The following TCF4 variants were observed in gnomAD, a reference collection of about 807,000 sequenced individuals.
TCF4 encodes the protein transcription factor 4.
A neutral mutation model predicts 82.1 loss-of-function variants in TCF4; 3 were observed. The observed-to-expected ratio is 0.04, with a 90% CI of 0.02 to 0.09. The LOEUF (loss-of-function observed/expected upper bound fraction) is 0.09, where lower values mean the gene tolerates loss of function less well. Ranked by LOEUF, TCF4 falls within the 10% of genes least tolerant of loss-of-function variation. TCF4 has a pLI of 1.00. For missense variants in TCF4, 518 were observed against 852.7 expected (o/e 0.61, Z 4.89); for synonymous variants, 276 against 309.6 (o/e 0.89, Z 1.14).
At chr18:55,455,341 C>T (rs556375269) in intron 5 of TCF4, among the ~76,000 whole-genome samples, 12 of 151,992 alleles carry the variant, frequency 7.9e-5, no homozygotes, top group African/African-American at 1.4e-4. Context: ...GAGGCTCAAA[C>T]GAGTCATACT....
At chr18:55,300,614 C>T (rs1012149890) in intron 8 of TCF4, among the ~76,000 whole-genome samples, 1 of 152,148 alleles carries the variant, frequency 6.6e-6, no homozygotes, top group African/African-American at 2.4e-5. Context: ...ATCTTTCTCA[C>T]AGGACAAACA....
chr18:55,550,573 G>A (rs2097252028), intron 3 of TCF4: 1 of 152,170 alleles, frequency 6.6e-6, no homozygotes. Flanking sequence ...TTGGTCTTGT[G>A]TGCATGTAGT....
At chr18:55,442,114 G>A (rs1052898984) in intron 5 of TCF4, among the ~76,000 whole-genome samples, 7 of 152,136 alleles carry the variant, frequency 4.6e-5, no homozygotes, top group African/African-American at 1.7e-4. Context: ...GTGCAAAATA[G>A]TCCATTACAA....
intron 5 of TCF4, among the ~76,000 whole-genome samples, chr18:55,420,953 T>C (rs1282153238): frequency 6.6e-6 from 1 of 151,602 alleles, no homozygotes; most frequent in Admixed American, 6.6e-5. Context: ...CACTTAGTTG[T>C]ACTGTGTGAA....
At chr18:55,422,630 G>A in intron 5 of TCF4, 1 of 280,132 alleles carries the variant, frequency 3.6e-6, no homozygotes, top group Non-Finnish European at 5.4e-6. Context: ...GTGTGTGTGT[G>A]TTTTTTTCTT....
intron 6 of TCF4, among the ~76,000 whole-genome samples, chr18:55,389,950 T>C (rs566754345): frequency 1.3e-5 from 2 of 152,076 alleles, no homozygotes; most frequent in African/African-American, 4.8e-5. Context: ...TCTCAGATGG[T>C]GGCTGGGAGT....
intron 8 of TCF4, among the ~76,000 whole-genome samples, chr18:55,303,432 T>C (rs1408652848): frequency 1.3e-5 from 2 of 152,154 alleles, no homozygotes; most frequent in African/African-American, 2.4e-5. Flanking sequence ...CCCTACTACA[T>C]AGAATCATGA....
intron 3 of TCF4, among the ~76,000 whole-genome samples, chr18:55,535,277 G>A (rs192499005): frequency 7.9e-4 from 120 of 152,210 alleles, no homozygotes; most frequent in Non-Finnish European, 9.7e-4. Context: ...TCTTAGCAGC[G>A]GACTCAGCCT....
At position 55,350,903 on chromosome 18, in the gene TCF4, C is replaced by G; in HGVS notation, c.470G>C (p.Arg157Pro). The G allele has an allele frequency of 6.2e-7, 1 of 1,613,512 alleles. No homozygotes were observed. Among genetic ancestry groups the G allele is most frequent in the East Asian group, 2.2e-5 (1 of 44,876 alleles). ...QYYQYSSNNP[R>P]RRPLHSSAME... is the part of the protein sequence containing the mutation. ...GGCACTACTGTGAAGAGGCCTCCTTCGGGGATTATTGCTAGAATACTGATA... is the reference window on the plus strand; with the variant it reads ...GGCACTACTGTGAAGAGGCCTCCTTGGGGGATTATTGCTAGAATACTGATA... The change falls in exon 7 of 20, where the codon CGA becomes CCA. Residue 157 changes from arginine to proline, a missense_variant. Coordinates refer to ENST00000354452, the MANE Select transcript of TCF4 (RefSeq NM_001083962.2).
intron 3 of TCF4, among the ~76,000 whole-genome samples, chr18:55,568,688 A>G (rs1475518485): frequency 6.6e-6 from 1 of 152,116 alleles, no homozygotes; most frequent in African/African-American, 2.4e-5. Flanking sequence ...CAAAGAACAG[A>G]TTGTTTCATC....
intron 9 of TCF4, among the ~76,000 whole-genome samples, chr18:55,278,334 C>G (rs987450342): frequency 6.6e-6 from 1 of 152,108 alleles, no homozygotes. Flanking sequence ...AAGGTTTTCA[C>G]ACCTGGGCAA....
intron 5 of TCF4, among the ~76,000 whole-genome samples, chr18:55,428,756 A>T (rs1037020360): frequency 1.3e-5 from 2 of 152,210 alleles, no homozygotes; most frequent in Non-Finnish European, 2.9e-5. Context: ...TTCAGGCTAC[A>T]TAGCTCAAAA....
intron 3 of TCF4, among the ~76,000 whole-genome samples, chr18:55,524,109 T>C (rs2096957295): frequency 6.6e-6 from 1 of 152,132 alleles, no homozygotes; most frequent in South Asian, 2.1e-4. Context: ...ACAGTGTGAA[T>C]AGACCTAAAT....
At chr18:55,326,597 T>A (rs185628553) in intron 8 of TCF4, among the ~76,000 whole-genome samples, 205 of 152,202 alleles carry the variant, frequency 1.3e-3, no homozygotes, top group African/African-American at 4.8e-3. Flanking sequence ...TACTTAAAAA[T>A]ATAATTTCTG....
At chr18:55,509,180 G>A (rs1265094918) in intron 3 of TCF4, among the ~76,000 whole-genome samples, 1 of 152,066 alleles carries the variant, frequency 6.6e-6, no homozygotes, top group Non-Finnish European at 1.5e-5. Flanking sequence ...CCCAAGTCTT[G>A]CGGACTTCGT....
intron 6 of TCF4, among the ~76,000 whole-genome samples, chr18:55,386,085 A>G (rs1252981784): frequency 6.6e-6 from 1 of 151,950 alleles, no homozygotes; most frequent in Non-Finnish European, 1.5e-5. Flanking sequence ...CAACACCTAC[A>G]CCACATTAGT....
intron 2 of TCF4, among the ~76,000 whole-genome samples, chr18:55,621,530 AATATATATATT>A (rs2097718852): frequency 1.7e-5 from 1 of 57,304 alleles, no homozygotes; most frequent in African/African-American, 7.1e-5. Flanking sequence ...AATATTATAT[AATATATATATT>A]ATATTATATA....
chr18:55,292,796 A>G (rs747813199), intron 8 of TCF4, among the ~76,000 whole-genome samples: 1 of 151,202 alleles, frequency 6.6e-6, no homozygotes, highest in Non-Finnish European at 1.5e-5. Flanking sequence ...ATGTATATAC[A>G]CATACACACA....
At chr18:55,422,419 G>A (rs2958170) in intron 5 of TCF4, 2 of 983,138 alleles carry the variant, frequency 2.0e-6, no homozygotes, top group Admixed American at 1.2e-4. Flanking sequence ...GGTTTGGGGG[G>A]TTTTTTTTAA....
Sources: gnomAD v4.1 joint callset for allele counts (sites outside exome capture counted in the v4.1 genomes callset) on GRCh38, gnomAD v4.1.1 for gene constraint, MANE v1.5 for transcripts, NCBI Gene and HGNC (gene_info 2026-07-23, HGNC 2026-07-21) for gene names.